The following ANAPC10 variants were observed in gnomAD, a reference collection of about 807,000 sequenced individuals.
The protein encoded by ANAPC10 is anaphase-promoting complex subunit 10.
A neutral mutation model predicts 22.0 loss-of-function variants in ANAPC10; 12 were observed. The observed-to-expected ratio is 0.55, with a 90% CI of 0.35 to 0.88. The LOEUF (loss-of-function observed/expected upper bound fraction) is 0.88. Among genes scored for constraint, ANAPC10 ranks in the 40% least tolerant of loss-of-function variants. ANAPC10 has a pLI of 0.01. For missense variants in ANAPC10, 188 were observed against 220.9 expected, an observed-to-expected ratio of 0.85 and a Z score of 0.94; for synonymous variants, 65 against 69.5, an observed-to-expected ratio of 0.94 and a Z score of 0.32.
intron 4 of ANAPC10, among the ~76,000 whole-genome samples, chr4:145,016,508 A>G (rs1735167222): frequency 6.6e-6 from 1 of 152,210 alleles, no homozygotes. Flanking sequence ...ATGCTCATGG[A>G]TAGGAAGAAT....
At chr4:145,095,000 G>A (rs115820079) in intron 2 of ANAPC10, among the ~76,000 whole-genome samples, 2,540 of 152,038 alleles carry the variant, frequency 0.017, 82 homozygotes, top group African/African-American at 0.057. Flanking sequence ...AAAAATAAAT[G>A]AATAACAACT....
In ANAPC10 at chr4:144,995,328, G is replaced by GTAT. The variant is rs774096487; in HGVS notation, c.*44_*45insATA. The GTAT allele has an allele frequency of 3.1e-6, 4 of 1,276,500 alleles. No homozygotes were observed. The highest frequency in any genetic ancestry group is 4.5e-6 in the Non-Finnish European group (4 of 889,836). The allele number at this position is 1,276,500 out of a possible 1,614,324, so 79.1% of individuals were successfully genotyped here. On this transcript the variant is annotated 3_prime_UTR_variant, in exon 5 of 5. Transcript: ENST00000507656. ...GTACATGATATATTATTTAAATACA[G>GTAT]GATAAAACAAAGATACGTTTAATGA...
chr4:145,087,107 G>A (rs1181488440), intron 2 of ANAPC10, among the ~76,000 whole-genome samples: 2 of 151,948 alleles, frequency 1.3e-5, no homozygotes, highest in African/African-American at 4.8e-5. Flanking sequence ...CTGGACAAAT[G>A]GAGCAGACTT....
At chr4:144,996,043 T>C (rs1296847829) in intron 4 of ANAPC10, among the ~76,000 whole-genome samples, 1 of 152,166 alleles carries the variant, frequency 6.6e-6, no homozygotes, top group Non-Finnish European at 1.5e-5. Flanking sequence ...GAAAGAAGGC[T>C]AGGATTCATC....
chr4:145,007,049 T>C (rs960900609), intron 4 of ANAPC10, among the ~76,000 whole-genome samples: 1 of 151,972 alleles, frequency 6.6e-6, no homozygotes, highest in Non-Finnish European at 1.5e-5. Flanking sequence ...GGTCCCAAGA[T>C]GGACGAATAA....
chr4:145,088,658 C>A (rs1747233044), intron 2 of ANAPC10, among the ~76,000 whole-genome samples: 1 of 152,164 alleles, frequency 6.6e-6, no homozygotes, highest in South Asian at 2.1e-4. Context: ...ACATAAATTA[C>A]TATAACATCA....
At chr4:145,003,778 C>A (rs542252028) in intron 4 of ANAPC10, among the ~76,000 whole-genome samples, 5 of 152,118 alleles carry the variant, frequency 3.3e-5, no homozygotes, top group African/African-American at 1.2e-4. Context: ...TAATATGATG[C>A]TTCTAGCTTT....
At chr4:145,060,166 G>A (rs1277998943) in intron 4 of ANAPC10, among the ~76,000 whole-genome samples, 1 of 151,974 alleles carries the variant, frequency 6.6e-6, no homozygotes, top group Non-Finnish European at 1.5e-5. Flanking sequence ...CAATTTATGT[G>A]GAATAGGATA....
At chr4:145,066,231 C>T (rs532463723) in intron 3 of ANAPC10, among the ~76,000 whole-genome samples, 4 of 152,162 alleles carry the variant, frequency 2.6e-5, no homozygotes, top group East Asian at 1.9e-4. Flanking sequence ...CACTTTTCCT[C>T]GGATCAAGAG....
chr4:145,022,232 T>C (rs977171302), intron 4 of ANAPC10, among the ~76,000 whole-genome samples: 6 of 152,048 alleles, frequency 3.9e-5, no homozygotes, highest in Admixed American at 6.6e-5. Flanking sequence ...CAATTCACAA[T>C]TGCAAAATCA....
chr4:145,030,729 G>A (rs758084456), intron 4 of ANAPC10, among the ~76,000 whole-genome samples: 1 of 152,176 alleles, frequency 6.6e-6, no homozygotes, highest in Non-Finnish European at 1.5e-5. Flanking sequence ...AACTATCATG[G>A]TGGGAAAGGC....
chr4:145,022,839 T>G (rs1199991475), intron 4 of ANAPC10, among the ~76,000 whole-genome samples: 1 of 151,846 alleles, frequency 6.6e-6, no homozygotes, highest in Non-Finnish European at 1.5e-5. Context: ...TTTTTTTATA[T>G]TTTAGGATGA....
chr4:145,048,610 C>T (rs758626195), intron 4 of ANAPC10, among the ~76,000 whole-genome samples: 4 of 152,002 alleles, frequency 2.6e-5, no homozygotes, highest in Admixed American at 2.0e-4. Flanking sequence ...CATATTTCTC[C>T]CCCAACCACC....
At chr4:145,045,259 CTTAA>C (rs1407553898) in intron 4 of ANAPC10, among the ~76,000 whole-genome samples, 1 of 152,012 alleles carries the variant, frequency 6.6e-6, no homozygotes. Context: ...CTTTATCCTA[CTTAA>C]TTCTTTCTGG....
chr4:145,006,325 G>C (rs1412177163), intron 4 of ANAPC10, among the ~76,000 whole-genome samples: 1 of 152,076 alleles, frequency 6.6e-6, no homozygotes, highest in Non-Finnish European at 1.5e-5. Context: ...AAGGGAATTT[G>C]TTTGGCAAAC....
At chr4:145,052,552 A>G (rs1741276836) in intron 4 of ANAPC10, among the ~76,000 whole-genome samples, 1 of 152,218 alleles carries the variant, frequency 6.6e-6, no homozygotes, top group Non-Finnish European at 1.5e-5. Context: ...AGTTTCAATT[A>G]TAAATAACTA....
At chr4:145,085,347 T>C (rs774721385) in intron 2 of ANAPC10, among the ~76,000 whole-genome samples, 6 of 152,238 alleles carry the variant, frequency 3.9e-5, no homozygotes, top group Non-Finnish European at 8.8e-5. Context: ...GTACTAGTTT[T>C]TGAGTTCCCT....
At chr4:145,025,871 A>G (rs1736586241) in intron 4 of ANAPC10, among the ~76,000 whole-genome samples, 1 of 152,158 alleles carries the variant, frequency 6.6e-6, no homozygotes, top group South Asian at 2.1e-4. Context: ...TTAAAGCCCT[A>G]GATTCTTACC....
chr4:145,069,186 C>T (rs1744130168), intron 3 of ANAPC10, among the ~76,000 whole-genome samples: 1 of 152,160 alleles, frequency 6.6e-6, no homozygotes, highest in Non-Finnish European at 1.5e-5. Context: ...GAGCAACAGG[C>T]AGCACAGGCC....
Sources: allele counts gnomAD v4.1 joint callset (sites outside exome capture counted in the v4.1 genomes callset), GRCh38; gene constraint gnomAD v4.1.1; transcripts MANE v1.5; gene names NCBI Gene and HGNC (gene_info 2026-07-23, HGNC 2026-07-21).